ELOB: variants seen among roughly 807,000 people sequenced by gnomAD.
ELOB encodes elongin-B.
Under a neutral mutation model 12.9 loss-of-function variants are expected in ELOB, and 3 were observed. The observed-to-expected ratio is 0.23, with a 90% CI of 0.11 to 0.60. ELOB has a LOEUF of 0.60. ELOB is among the 20% of genes least tolerant of loss of function. The pLI, the probability that ELOB is intolerant of heterozygous loss-of-function variation, is 0.89. For synonymous variants in ELOB, 84 were observed against 67.4 expected, an observed-to-expected ratio of 1.25 and a Z score of -1.21; for missense variants, 126 against 159.2, an observed-to-expected ratio of 0.79 and a Z score of 1.12.
At chr16:2,772,598 T>C (rs2068768952) in intron 3 of ELOB, 1 of 150,344 alleles carries the variant, frequency 6.7e-6, no homozygotes, top group Non-Finnish European at 1.5e-5. Context: ...CAGTCCCAGC[T>C]TCTCGGGAGG....
At chr16:2,772,778 T>C (rs2068771713) in intron 3 of ELOB, among the ~76,000 whole-genome samples, 1 of 152,092 alleles carries the variant, frequency 6.6e-6, no homozygotes, top group Non-Finnish European at 1.5e-5. Context: ...CTTCCCATCA[T>C]GACCTGAATA....
Position 2,772,105 on chromosome 16 carries a change from G to A in ELOB, c.245-3C>T, listed in dbSNP as rs758990659. The A allele has an allele frequency of 1.2e-6, 2 of 1,601,774 alleles. No homozygotes were observed. The highest frequency in any genetic ancestry group is 1.7e-6 in the Non-Finnish European group (2 of 1,172,802). ...GCACAGGGCCTCAAAGGTGTCATCT[G>A]TGGAGGAAGCAGCAGAGCTGCAGGG... is the stretch of plus-strand genomic sequence containing the variant. On this transcript the variant is annotated splice_region_variant and splice_polypyrimidine_tract_variant and intron_variant, in intron 3 of 3. Transcript: ENST00000409906.
rs899492881 is a variant in ELOB, at chr16:2,771,689, C to G, written c.*301G>C. The G allele has an allele frequency of 8.8e-6, 14 of 1,590,496 alleles. No homozygotes were observed. The African/African-American group carries it at 1.9e-4, about 21-fold the overall frequency. On this transcript the variant is annotated 3_prime_UTR_variant, in exon 4 of 4. Coordinates refer to ENST00000409906, the MANE Select transcript of ELOB (RefSeq NM_007108.4). ...GAGGCTGGCTCTGGTCTTTGTGTCT[C>G]TCCCAGTCCTTCCCTTTCCTCCCCC...
chr16:2,777,078 G>A lies in ELOB; in HGVS notation c.53C>T (p.Ala18Val). The A allele has an allele frequency of 6.2e-7, 1 of 1,601,564 alleles. No homozygotes were observed. The highest frequency in any genetic ancestry group is 8.5e-7 in the Non-Finnish European group (1 of 1,175,730). The change falls in exon 2 of 4, where the codon GCC becomes GTC. Residue 18 changes from alanine to valine, a missense_variant. Physicochemically the swap from Ala to Val is moderately conservative, Grantham distance 64. Transcript: ENST00000409906. ...TTCGAACACCGTGCTGGACTCCTTG[G>A]CGTCCGTGAAGATGGTGGTCTTGTG... ...RRHKTTIFTD[A>V]KESSTVFELK...
At position 2,771,939 on chromosome 16, in the gene ELOB, G is replaced by A; in HGVS notation, c.*51C>T. On this transcript the variant is annotated 3_prime_UTR_variant, in exon 4 of 4. Transcript: ENST00000409906. ...GGGCGGGAAAAAGAGGCAGCAACCA[G>A]GCAGACTCCCAAATCTCTTTTATTG... The A allele has an allele frequency of 1.3e-6, 2 of 1,581,136 alleles. No individual in the cohort carries two copies. The highest frequency in any genetic ancestry group is 1.7e-6 in the Non-Finnish European group (2 of 1,164,436).
chr16:2,771,910 G>A lies in ELOB; in HGVS notation c.*80C>T. 2.0e-6 allele frequency: 3 copies of A among 1,529,170 alleles called. No individual in the cohort carries two copies. The highest frequency in any genetic ancestry group is 2.4e-4 in the Middle Eastern group (1 of 4,202). 94.7% of individuals were successfully genotyped at this position (1,529,170 alleles called of 1,614,324 possible). On this transcript the variant is annotated 3_prime_UTR_variant, in exon 4 of 4. Coordinates refer to ENST00000409906, the MANE Select transcript of ELOB (RefSeq NM_007108.4). ...CCACAGGGAGTGGGACCCATCCCAG[G>A]GAGGGGCGGGAAAAAGAGGCAGCAA...
chr16:2,777,004 G>T lies in ELOB; in HGVS notation c.127C>A (p.Arg43=). The part of the protein sequence containing the change: ...GILKRPPDEQ[R]LYKDDQLLDD... ...CCCGCGGGACCCACCTTGTACAGCC[G>T]CTGCTCGTCAGGAGGCCGCTTGAGG... is the stretch of plus-strand genomic sequence containing the variant. Residue 43 remains arginine (R), a synonymous_variant, in exon 2 of 4, where the codon CGG becomes AGG. Coordinates refer to ENST00000409906, the MANE Select transcript of ELOB (RefSeq NM_007108.4). The T allele has an allele frequency of 6.3e-7, 1 of 1,586,596 alleles. No individual in the cohort carries two copies.
At chr16:2,775,971 G>A (rs1427508383) in intron 2 of ELOB, among the ~76,000 whole-genome samples, 2 of 152,122 alleles carry the variant, frequency 1.3e-5, no homozygotes, top group African/African-American at 4.8e-5. Context: ...GCCCCCTCCA[G>A]CTTGGAACTC....
chr16:2,771,896 G>GCCCAAAA lies in ELOB; in HGVS notation c.*93_*94insTTTTGGG. 1 of 1,509,460 alleles carries GCCCAAAA rather than the reference G, an allele frequency of 6.6e-7. No homozygotes were observed. The highest frequency in any genetic ancestry group is 2.1e-5 in the Admixed American group (1 of 47,008). 93.5% of individuals were successfully genotyped at this position (1,509,460 alleles called of 1,614,324 possible). ...GCCCCAAAAGGAGCCCACAGGGAGT[G>GCCCAAAA]GGACCCATCCCAGGGAGGGGCGGGA... On this transcript the variant is annotated 3_prime_UTR_variant, in exon 4 of 4. Transcript: ENST00000409906.
chr16:2,775,177 C>G (rs2068791601), intron 3 of ELOB, among the ~76,000 whole-genome samples: 1 of 152,002 alleles, frequency 6.6e-6, no homozygotes, highest in African/African-American at 2.4e-5. Flanking sequence ...ACATGCAGAG[C>G]ACGGAGCCAG....
chr16:2,771,709 T>A lies in ELOB; in HGVS notation c.*281A>T. 3.2e-6 allele frequency: 5 copies of A among 1,567,992 alleles called. No homozygotes were observed. Among genetic ancestry groups the A allele is most frequent in the Non-Finnish European group, 4.3e-6 (5 of 1,158,750 alleles). On this transcript the variant is annotated 3_prime_UTR_variant, in exon 4 of 4. Coordinates refer to ENST00000409906, the MANE Select transcript of ELOB (RefSeq NM_007108.4). ...TGTCTCTCCCAGTCCTTCCCTTTCC[T>A]CCCCCTGGCGTGGTTGGTGTGGCTG... is the stretch of plus-strand genomic sequence containing the variant.
intron 3 of ELOB, chr16:2,772,596 G>T (rs1203471203): frequency 6.7e-6 from 1 of 150,208 alleles, no homozygotes; most frequent in East Asian, 2.0e-4. Context: ...TACAGTCCCA[G>T]CTTCTCGGGA....
chr16:2,772,103 CTG>C lies in ELOB; in HGVS notation c.245-3_245-2del. 1 of 1,603,346 alleles carries C rather than the reference CTG, an allele frequency of 6.2e-7. No homozygotes were observed. ...ATGCACAGGGCCTCAAAGGTGTCAT[CTG>C]TGGAGGAAGCAGCAGAGCTGCAGGG... On this transcript the variant is annotated splice_acceptor_variant and splice_polypyrimidine_tract_variant and intron_variant, in intron 3 of 3. Transcript: ENST00000409906. LOFTEE classifies it high-confidence loss of function.
At position 2,771,577 on chromosome 16, in the gene ELOB, G is replaced by C. The variant is rs776511641; in HGVS notation, c.*413C>G. ...GGCTCCAGCTTGTGTTTCTGCTCTT[G>C]GCCATCGTCTGGGAGTGGACATGCA... is the stretch of plus-strand genomic sequence containing the variant. On this transcript the variant is annotated 3_prime_UTR_variant, in exon 4 of 4. Coordinates refer to ENST00000409906, the MANE Select transcript of ELOB (RefSeq NM_007108.4). 51 of 1,614,008 alleles carry C rather than the reference G, an allele frequency of 3.2e-5. No individual in the cohort carries two copies. Among genetic ancestry groups the C allele is most frequent in the Non-Finnish European group, 1.0e-5 (12 of 1,180,028 alleles).
At chr16:2,772,462 A>G (rs2068766453) in intron 3 of ELOB, 1 of 154,882 alleles carries the variant, frequency 6.5e-6, no homozygotes, top group Non-Finnish European at 1.4e-5. Flanking sequence ...TGGGAGGCCG[A>G]GACGGGCAGA....
intron 3 of ELOB, 63 bp from the exon 4 acceptor site, chr16:2,772,165 G>A: frequency 1.3e-6 from 2 of 1,484,230 alleles, no homozygotes; most frequent in Non-Finnish European, 1.8e-6. Context: ...TGGGGCCTTG[G>A]TGTTCACGTG....
At chr16:2,776,505 TAACA>T (rs1567257874) in intron 2 of ELOB, among the ~76,000 whole-genome samples, 2 of 152,164 alleles carry the variant, frequency 1.3e-5, no homozygotes, top group African/African-American at 4.8e-5. Context: ...CGGGAGGTAA[TAACA>T]AACGGTTGCT....
rs779783218 is a variant in ELOB at position 2,771,599 on chromosome 16, T to A, written c.*391A>T. ...CTTGGCCATCGTCTGGGAGTGGACA[T>A]GCAGGCTATGGGGGTGGGGGGCACT... On this transcript the variant is annotated 3_prime_UTR_variant, in exon 4 of 4. Coordinates refer to ENST00000409906, the MANE Select transcript of ELOB (RefSeq NM_007108.4). The A allele has an allele frequency of 8.7e-6, 14 of 1,614,004 alleles. No individual in the cohort carries two copies. The South Asian group carries it at 1.3e-4, about 15-fold the overall frequency.
chr16:2,771,506 C>T lies in ELOB; in HGVS notation c.*484G>A. The T allele has an allele frequency of 2.5e-6, 4 of 1,614,220 alleles. No homozygotes were observed. The highest frequency in any genetic ancestry group is 3.4e-6 in the Non-Finnish European group (4 of 1,180,040). On this transcript the variant is annotated 3_prime_UTR_variant, in exon 4 of 4. Transcript: ENST00000409906. The stretch of plus-strand genomic sequence containing the variant: ...CCAGCGTGGGTGGACCTGTGTGGGT[C>T]CGTCTTGGGGTTCCCTCGTTGAACA...
Sources: gnomAD v4.1 joint callset for allele counts (sites outside exome capture counted in the v4.1 genomes callset) on GRCh38, gnomAD v4.1.1 for gene constraint, MANE v1.5 for transcripts, NCBI Gene and HGNC (gene_info 2026-07-23, HGNC 2026-07-21) for gene names.